The following NEO1 variants were observed in gnomAD, a reference collection of about 807,000 sequenced individuals.
NEO1 encodes the protein neogenin 1.
Under a neutral mutation model 159.7 loss-of-function variants are expected in NEO1, and 63 were observed. The ratio of observed to expected loss-of-function variants is 0.39; its 90% confidence interval spans 0.32 to 0.49. The LOEUF (loss-of-function observed/expected upper bound fraction) is 0.49, where lower values mean the gene tolerates loss of function less well. Among genes scored for constraint, NEO1 ranks in the 20% least tolerant of loss-of-function variants. The pLI is 0.85. For missense variants in NEO1, 1,615 were observed against 1,831.0 expected, an observed-to-expected ratio of 0.88 and a Z score of 2.15; for synonymous variants, 633 against 662.0, an observed-to-expected ratio of 0.96 and a Z score of 0.67.
intron 7 of NEO1, among the ~76,000 whole-genome samples, chr15:73,221,408 C>T (rs985276533): frequency 6.6e-5 from 10 of 152,302 alleles, no homozygotes; most frequent in African/African-American, 2.2e-4. Context: ...GCAGTCTGCC[C>T]GTTCTCAGAT....
rs114442686 is a variant in NEO1, at chr15:73,068,787, G to A, written c.130+15982G>A. The stretch of plus-strand genomic sequence containing the variant: ...ATCTTGGACTGAGAATCTACACTGG[G>A]TATTTTGTTGTTGTTCTCATTTGGT... On this transcript the variant is annotated intron_variant, in intron 1 of 28. Coordinates refer to ENST00000261908, the MANE Select transcript of NEO1 (RefSeq NM_002499.4). Among the ~76,000 whole-genome samples, 119 of 152,236 alleles carry A rather than the reference G, an allele frequency of 7.8e-4. 1 individual carries two copies. The highest frequency in any genetic ancestry group is 2.7e-3 in the African/African-American group (114 of 41,536).
intron 1 of NEO1, among the ~76,000 whole-genome samples, chr15:73,110,117 C>G (rs556310651): frequency 1.3e-5 from 2 of 152,206 alleles, no homozygotes; most frequent in East Asian, 3.9e-4. Context: ...GCAAGATAGT[C>G]TGAACCGCAT....
intron 9 of NEO1, among the ~76,000 whole-genome samples, chr15:73,246,733 G>A (rs2039814285): frequency 6.6e-6 from 1 of 152,208 alleles, no homozygotes; most frequent in African/African-American, 2.4e-5. Flanking sequence ...TTCTGAAACT[G>A]CATGAAAATA....
intron 21 of NEO1, among the ~76,000 whole-genome samples, chr15:73,277,232 A>G (rs561158017): frequency 1.3e-5 from 2 of 152,268 alleles, no homozygotes; most frequent in Admixed American, 6.5e-5. Context: ...ATTCTTTCAG[A>G]CCTCTTTTTC....
intron 7 of NEO1, among the ~76,000 whole-genome samples, chr15:73,215,273 T>A (rs1391683902): frequency 6.6e-6 from 1 of 152,226 alleles, no homozygotes; most frequent in Non-Finnish European, 1.5e-5. Flanking sequence ...CTTTATTTCT[T>A]TCTCTTGTCT....
At chr15:73,135,778 A>G in intron 4 of NEO1, 113 bp from the exon 5 acceptor site, 6 of 944,940 alleles carry the variant, frequency 6.3e-6, no homozygotes, top group African/African-American at 1.7e-5. Context: ...ATCTATAGCT[A>G]TATAAATAAT....
chr15:73,273,505 T>TTCA (rs1290575146), intron 19 of NEO1, among the ~76,000 whole-genome samples: 2 of 152,122 alleles, frequency 1.3e-5, no homozygotes, highest in African/African-American at 2.4e-5. Flanking sequence ...GTCAGATAGA[T>TTCA]TCATGGTTGT....
rs573201325 is a variant in NEO1 at position 73,107,755 on chromosome 15, G to A, written c.131-8785G>A. Among the ~76,000 whole-genome samples, 30 of 152,244 alleles carry A rather than the reference G, an allele frequency of 2.0e-4. 1 individual carries two copies. The South Asian group carries it at 6.0e-3, about 30-fold the overall frequency. On this transcript the variant is annotated intron_variant, in intron 1 of 28. Transcript: ENST00000261908. ...TTGCAGCCATATTTTCATCAGTATA[G>A]CAAAAGTGGAACTGAAAAATACTCA...
rs367719702 is a variant in NEO1, at chr15:73,241,586, A to G, written c.1452-2758A>G. 4.0e-4 allele frequency among the ~76,000 whole-genome samples: 61 copies of G among 152,352 alleles called. 1 individual carries two copies. In the East Asian group the frequency reaches 0.012, roughly 29 times the overall value. On this transcript the variant is annotated intron_variant, in intron 8 of 28. Transcript: ENST00000261908. Reference sequence around the variant, plus strand: ...TTCCTCACAAGCTAGTAGCATTGCCAGAACTAGAATTGCATCTCCTAACTT... The same window carrying G: ...TTCCTCACAAGCTAGTAGCATTGCCGGAACTAGAATTGCATCTCCTAACTT...
intron 11 of NEO1, among the ~76,000 whole-genome samples, chr15:73,252,651 C>T (rs2040137046): frequency 6.6e-6 from 1 of 152,140 alleles, no homozygotes; most frequent in Non-Finnish European, 1.5e-5. Context: ...TTGCCATATT[C>T]CTTAGACCTG....
intron 1 of NEO1, among the ~76,000 whole-genome samples, chr15:73,092,808 G>A (rs557198699): frequency 1.3e-5 from 2 of 152,096 alleles, no homozygotes; most frequent in African/African-American, 4.8e-5. Context: ...TCCACACCCA[G>A]TATCTCCCAT....
intron 1 of NEO1, among the ~76,000 whole-genome samples, chr15:73,095,227 A>C (rs2069943509): frequency 6.6e-6 from 1 of 151,872 alleles, no homozygotes. Flanking sequence ...AAAAAAACTT[A>C]ACAGCTAATG....
At chr15:73,241,730 A>G (rs1279333376) in intron 8 of NEO1, among the ~76,000 whole-genome samples, 1 of 152,154 alleles carries the variant, frequency 6.6e-6, no homozygotes, top group Non-Finnish European at 1.5e-5. Context: ...TTGTTGTTTC[A>G]AATGCTCCTT....
chr15:73,146,872 T>C (rs530220506), intron 5 of NEO1, among the ~76,000 whole-genome samples: 2 of 152,148 alleles, frequency 1.3e-5, no homozygotes, highest in Non-Finnish European at 2.9e-5. Flanking sequence ...TCAGGCAAAA[T>C]GCAACCTAAG....
chr15:73,183,132 G>A (rs572045147), intron 7 of NEO1, among the ~76,000 whole-genome samples: 1 of 152,246 alleles, frequency 6.6e-6, no homozygotes, highest in Admixed American at 6.5e-5. Flanking sequence ...TTAAGAGGAG[G>A]CAAAAGCAGG....
intron 18 of NEO1, among the ~76,000 whole-genome samples, chr15:73,270,965 T>G (rs2151035131): frequency 6.6e-6 from 1 of 152,352 alleles, no homozygotes; most frequent in South Asian, 2.1e-4. Context: ...AGATTCTGTT[T>G]GGTTTTTGCT....
chr15:73,146,038 C>T (rs1039507307), intron 5 of NEO1, among the ~76,000 whole-genome samples: 2 of 152,202 alleles, frequency 1.3e-5, no homozygotes, highest in Non-Finnish European at 2.9e-5. Context: ...CCTTCCACTC[C>T]CTTGCCTGGC....
intron 1 of NEO1, among the ~76,000 whole-genome samples, chr15:73,081,841 GC>G (rs1454275455): frequency 2.7e-5 from 4 of 150,888 alleles, no homozygotes; most frequent in African/African-American, 9.7e-5. Context: ...ACAGGTATGA[GC>G]CACCACACCC....
intron 1 of NEO1, among the ~76,000 whole-genome samples, chr15:73,112,004 G>A (rs1239063115): frequency 2.6e-5 from 4 of 151,904 alleles, no homozygotes; most frequent in East Asian, 1.9e-4. Context: ...ATCTGCTTGG[G>A]GATTTTTATC....
Sources: gnomAD v4.1 joint callset for allele counts (sites outside exome capture counted in the v4.1 genomes callset) on GRCh38, gnomAD v4.1.1 for gene constraint, MANE v1.5 for transcripts, NCBI Gene and HGNC (gene_info 2026-07-23, HGNC 2026-07-21) for gene names.